The following ZFHX3 variants were observed in gnomAD, a reference collection of about 807,000 sequenced individuals.
ZFHX3 encodes the protein zinc finger homeobox protein 3.
A neutral mutation model predicts 279.1 loss-of-function variants in ZFHX3; 42 were observed. The observed-to-expected ratio is 0.15, with a 90% CI of 0.12 to 0.19. The LOEUF (loss-of-function observed/expected upper bound fraction) is 0.19, where lower values mean the gene tolerates loss of function less well. ZFHX3 is among the 10% of genes least tolerant of loss of function. The probability of loss-of-function intolerance (pLI) is 1.00; values close to 1 mark genes in which losing one functional copy is unlikely to be tolerated. For synonymous variants in ZFHX3, 2,293 were observed against 1,957.8 expected, an observed-to-expected ratio of 1.17 and a Z score of -4.52; for missense variants, 4,981 against 4,754.0, an observed-to-expected ratio of 1.05 and a Z score of -1.40.
chr16:73,578,726 AT>A (rs35487563), intron 2 of ZFHX3, among the ~76,000 whole-genome samples: 24 of 152,028 alleles, frequency 1.6e-4, no homozygotes, highest in South Asian at 6.2e-4. Context: ...ATTTATTTTT[AT>A]TTTTTTTATG....
intron 5 of ZFHX3, among the ~76,000 whole-genome samples, chr16:73,207,906 C>T (rs1329924662): frequency 6.6e-6 from 1 of 152,144 alleles, no homozygotes; most frequent in Non-Finnish European, 1.5e-5. Context: ...AACAGAAGAG[C>T]CAAATGTATG....
chr16:73,438,094 G>A (rs1458022361), intron 3 of ZFHX3, among the ~76,000 whole-genome samples: 1 of 151,720 alleles, frequency 6.6e-6, no homozygotes, highest in Non-Finnish European at 1.5e-5. Context: ...AAAAAAAATG[G>A]CAAATGTGGG....
intron 3 of ZFHX3, among the ~76,000 whole-genome samples, chr16:73,425,980 A>T (rs2017803063): frequency 6.6e-6 from 1 of 151,990 alleles, no homozygotes; most frequent in Non-Finnish European, 1.5e-5. Context: ...GTCAACGGTG[A>T]TCCTCTTTTT....
In ZFHX3 at chr16:73,556,872, G is replaced by C. The variant is rs192313297; in HGVS notation, c.-1546-100614C>G. Among the ~76,000 whole-genome samples the C allele has an allele frequency of 5.1e-3, 782 of 152,028 alleles. 7 individuals carry two copies. The highest frequency in any genetic ancestry group is 0.018 in the African/African-American group (753 of 41,450). ...GCACTTTGGGAGGCCGAGACAGGCAGATCACGAGGTCAAGGGATCGAGACC... is the reference window on the plus strand; with the variant it reads ...GCACTTTGGGAGGCCGAGACAGGCACATCACGAGGTCAAGGGATCGAGACC... On this transcript the variant is annotated intron_variant, in intron 2 of 17. Transcript: ENST00000641206.
At chr16:73,357,871 C>A (rs1433876313) in intron 3 of ZFHX3, among the ~76,000 whole-genome samples, 3 of 152,216 alleles carry the variant, frequency 2.0e-5, no homozygotes, top group African/African-American at 7.2e-5. Flanking sequence ...TCCATGCCCA[C>A]CCACTGCTGT....
chr16:73,537,888 G>A (rs926365082), intron 2 of ZFHX3, among the ~76,000 whole-genome samples: 5 of 152,324 alleles, frequency 3.3e-5, no homozygotes, highest in African/African-American at 1.2e-4. Context: ...CCACAAAGTA[G>A]TATCTTGGAA....
At chr16:72,874,574 G>A (rs2038258313) in intron 4 of ZFHX3, among the ~76,000 whole-genome samples, 1 of 152,100 alleles carries the variant, frequency 6.6e-6, no homozygotes, top group Non-Finnish European at 1.5e-5. Flanking sequence ...AACATAGAAG[G>A]AAAGTGGATG....
chr16:73,243,503 T>C (rs2013187154), intron 5 of ZFHX3, among the ~76,000 whole-genome samples: 2 of 152,226 alleles, frequency 1.3e-5, no homozygotes, highest in South Asian at 4.1e-4. Context: ...ATATTTAATC[T>C]GCCAAGGTAA....
chr16:73,536,031 A>G (rs532550214), intron 2 of ZFHX3, among the ~76,000 whole-genome samples: 1 of 151,946 alleles, frequency 6.6e-6, no homozygotes, highest in South Asian at 2.1e-4. Context: ...CAAGCCCCCC[A>G]TCTTTAATAC....
At chr16:73,470,216 G>C (rs564558061) in intron 2 of ZFHX3, among the ~76,000 whole-genome samples, 1 of 152,136 alleles carries the variant, frequency 6.6e-6, no homozygotes, top group South Asian at 2.1e-4. Flanking sequence ...TCCTGCTAAT[G>C]TACACTTTTC....
intron 2 of ZFHX3, among the ~76,000 whole-genome samples, chr16:73,541,887 T>G (rs984862476): frequency 1.4e-5 from 2 of 146,362 alleles, no homozygotes; most frequent in African/African-American, 5.0e-5. Context: ...CCGCAACCTC[T>G]GCCTCCTGGG....
intron 2 of ZFHX3, among the ~76,000 whole-genome samples, chr16:73,507,704 T>C (rs1366363938): frequency 6.6e-6 from 1 of 151,982 alleles, no homozygotes; most frequent in African/African-American, 2.4e-5. Flanking sequence ...TTTCATTTTG[T>C]TGCCCAGGCT....
chr16:73,627,852 A>T (rs780263820), intron 2 of ZFHX3, among the ~76,000 whole-genome samples: 2 of 152,162 alleles, frequency 1.3e-5, no homozygotes, highest in Non-Finnish European at 1.5e-5. Context: ...CAGGAGGTGG[A>T]GGTTACAGTG....
intron 5 of ZFHX3, among the ~76,000 whole-genome samples, chr16:73,158,915 T>C (rs556497203): frequency 2.0e-5 from 3 of 152,172 alleles, no homozygotes; most frequent in South Asian, 2.1e-4. Context: ...TTAAATCATA[T>C]GCAAAAATCA....
intron 3 of ZFHX3, among the ~76,000 whole-genome samples, chr16:73,407,046 T>C (rs9924548): frequency 0.28 from 32,555 of 116,364 alleles, 3,760 homozygotes; most frequent in Middle Eastern, 0.39. Context: ...GAAAGGGTGA[T>C]TTTTTCCTGC....
chr16:73,834,116 T>C (rs1368485688), intron 1 of ZFHX3, among the ~76,000 whole-genome samples: 1 of 152,134 alleles, frequency 6.6e-6, no homozygotes, highest in East Asian at 1.9e-4. Context: ...AAGGTGAGCC[T>C]CTACGAGTTA....
chr16:73,122,576 C>G (rs541959948), intron 7 of ZFHX3, among the ~76,000 whole-genome samples: 1 of 152,132 alleles, frequency 6.6e-6, no homozygotes, highest in African/African-American at 2.4e-5. Context: ...TTGGCTGTGT[C>G]TCTAGGCCAC....
chr16:73,259,329 C>T (rs889993008), intron 4 of ZFHX3, among the ~76,000 whole-genome samples: 2 of 152,204 alleles, frequency 1.3e-5, no homozygotes, highest in Non-Finnish European at 2.9e-5. Flanking sequence ...TTCATTTCTT[C>T]ACATCCTTGC....
chr16:73,282,269 G>A (rs962958993), intron 4 of ZFHX3, among the ~76,000 whole-genome samples: 1 of 152,146 alleles, frequency 6.6e-6, no homozygotes, highest in Non-Finnish European at 1.5e-5. Flanking sequence ...TGGAAGGATG[G>A]TGATCCTTTG....
Sources: gnomAD v4.1 joint callset for allele counts (sites outside exome capture counted in the v4.1 genomes callset) on GRCh38, gnomAD v4.1.1 for gene constraint, MANE v1.5 for transcripts, NCBI Gene and HGNC (gene_info 2026-07-23, HGNC 2026-07-21) for gene names.